Variants in RORA observed in about 807,000 individuals in gnomAD.
RORA encodes nuclear receptor ROR-alpha.
RORA carries 7 observed loss-of-function variants against 69.5 expected under a neutral mutation model. That is an observed-to-expected ratio of 0.10 (90% confidence interval 0.06 to 0.19). The LOEUF is 0.19. Ranked by LOEUF, RORA falls within the 10% of genes least tolerant of loss-of-function variation. RORA has a pLI of 1.00. For missense variants in RORA, 457 were observed against 663.0 expected (o/e 0.69, Z 3.41); for synonymous variants, 261 against 240.8 (o/e 1.08, Z -0.78).
At chr15:60,613,696 C>CTGTGTGTG (rs66616801) in intron 2 of RORA, among the ~76,000 whole-genome samples, 160 of 125,360 alleles carry the variant, frequency 1.3e-3, no homozygotes, top group South Asian at 4.3e-3. Context: ...AATTTGATAT[C>CTGTGTGTG]TGTGTGTGTG....
chr15:60,549,726 A>G (rs1033485783), intron 2 of RORA, among the ~76,000 whole-genome samples: 1 of 152,164 alleles, frequency 6.6e-6, no homozygotes, highest in Non-Finnish European at 1.5e-5. Flanking sequence ...AATTCAAACT[A>G]TAACGTCACT....
intron 1 of RORA, among the ~76,000 whole-genome samples, chr15:60,971,382 C>A (rs570837194): frequency 3.3e-4 from 50 of 152,278 alleles, no homozygotes; most frequent in African/African-American, 1.2e-3. Context: ...CATGGCCTAG[C>A]ACAAAGCAGG....
At chr15:60,726,249 A>G (rs1221269776) in intron 1 of RORA, among the ~76,000 whole-genome samples, 2 of 152,104 alleles carry the variant, frequency 1.3e-5, no homozygotes, top group Non-Finnish European at 2.9e-5. Context: ...TCCCCCTTTA[A>G]GCTCAGAATG....
chr15:61,119,598 C>T (rs78706566), intron 1 of RORA, among the ~76,000 whole-genome samples: 10,654 of 151,984 alleles, frequency 0.07, 649 homozygotes, highest in East Asian at 0.25. Context: ...CCACCATAAC[C>T]GGTCATCGGG....
chr15:60,585,561 T>C (rs1366436880), intron 2 of RORA, among the ~76,000 whole-genome samples: 2 of 152,192 alleles, frequency 1.3e-5, no homozygotes, highest in Non-Finnish European at 2.9e-5. Context: ...GGGGAAACGC[T>C]GAATTTAGCT....
At chr15:60,882,509 G>A (rs74600463) in intron 1 of RORA, among the ~76,000 whole-genome samples, 1,786 of 152,238 alleles carry the variant, frequency 0.012, 22 homozygotes, top group Non-Finnish European at 0.019. Flanking sequence ...GGGATGACAG[G>A]ATTTGCCTAG....
chr15:60,859,651 C>CTT (rs1208480913), intron 1 of RORA, among the ~76,000 whole-genome samples: 3,150 of 96,310 alleles, frequency 0.033, 133 homozygotes, highest in Middle Eastern at 0.039. Flanking sequence ...TTCTTTCTTT[C>CTT]TTTCTTTTTT....
intron 1 of RORA, among the ~76,000 whole-genome samples, chr15:61,031,481 T>C (rs1896165518): frequency 6.6e-6 from 1 of 152,204 alleles, no homozygotes; most frequent in Admixed American, 6.5e-5. Flanking sequence ...ACTAACTTCC[T>C]GGGATATTGT....
intron 2 of RORA, among the ~76,000 whole-genome samples, chr15:60,597,556 ATATATATATATATATATAC>A (rs1596035858): frequency 9.9e-4 from 22 of 22,220 alleles, no homozygotes; most frequent in South Asian, 1.4e-3. Flanking sequence ...CACAACATAT[ATATATATATATATATATAC>A]ACATATATAT....
rs139221513 is a variant in RORA at position 61,034,414 on chromosome 15, C to T, written c.166+194639G>A. ...GCTATTCCTGGATCTTAGTTGAAAGCTGTTGCCTTTCTAATTGTTTAACTG... is the reference window on the plus strand; with the variant it reads ...GCTATTCCTGGATCTTAGTTGAAAGTTGTTGCCTTTCTAATTGTTTAACTG... On this transcript the variant is annotated intron_variant, in intron 1 of 10. Transcript: ENST00000335670. Among the ~76,000 whole-genome samples, 566 of 152,250 alleles carry T rather than the reference C, an allele frequency of 3.7e-3. 5 individuals carry two copies. The highest frequency in any genetic ancestry group is 0.013 in the African/African-American group (531 of 41,566).
At chr15:60,858,104 C>A (rs2073399591) in intron 1 of RORA, among the ~76,000 whole-genome samples, 1 of 152,338 alleles carries the variant, frequency 6.6e-6, no homozygotes, top group Admixed American at 6.5e-5. Context: ...AAGGTTATTG[C>A]AGGGCCTGTT....
At chr15:60,771,636 C>T (rs962932880) in intron 1 of RORA, among the ~76,000 whole-genome samples, 5 of 152,230 alleles carry the variant, frequency 3.3e-5, no homozygotes, top group Non-Finnish European at 7.3e-5. Flanking sequence ...AAGGCTCAAC[C>T]TGTTCTCCAG....
intron 1 of RORA, among the ~76,000 whole-genome samples, chr15:60,912,090 AT>A (rs1891740945): frequency 1.3e-5 from 2 of 152,080 alleles, no homozygotes; most frequent in Admixed American, 6.6e-5. Context: ...TTTGTCCAAT[AT>A]TTTGCTTAAG....
At chr15:60,681,349 A>T (rs952198037) in intron 1 of RORA, among the ~76,000 whole-genome samples, 4 of 152,218 alleles carry the variant, frequency 2.6e-5, no homozygotes, top group African/African-American at 9.6e-5. Context: ...TACTCAAAAA[A>T]GTTTTACTCC....
At chr15:60,620,475 T>A (rs1288948645) in intron 2 of RORA, among the ~76,000 whole-genome samples, 3 of 152,176 alleles carry the variant, frequency 2.0e-5, no homozygotes, top group Admixed American at 6.6e-5. Flanking sequence ...TACGTATTTT[T>A]AAATGAAAAT....
At chr15:61,191,081 T>C (rs1289978382) in intron 1 of RORA, among the ~76,000 whole-genome samples, 1 of 152,096 alleles carries the variant, frequency 6.6e-6, no homozygotes, top group East Asian at 1.9e-4. Flanking sequence ...AGCAGCATTA[T>C]ATAGTGGAAA....
intron 2 of RORA, among the ~76,000 whole-genome samples, chr15:60,676,181 A>T (rs1162010921): frequency 6.6e-6 from 1 of 152,200 alleles, no homozygotes; most frequent in Non-Finnish European, 1.5e-5. Flanking sequence ...GCTAAAGAAG[A>T]AGTAATTTGG....
intron 1 of RORA, among the ~76,000 whole-genome samples, chr15:61,111,197 A>T (rs776522873): frequency 6.6e-6 from 1 of 152,208 alleles, no homozygotes; most frequent in Non-Finnish European, 1.5e-5. Flanking sequence ...GCAGTATGTG[A>T]TTTCCAGAGA....
chr15:60,970,927 A>G (rs1893694801), intron 1 of RORA, among the ~76,000 whole-genome samples: 1 of 152,222 alleles, frequency 6.6e-6, no homozygotes, highest in Non-Finnish European at 1.5e-5. Flanking sequence ...GAGAGACAGA[A>G]ACATTCCTGA....
Sources: allele counts gnomAD v4.1 joint callset (sites outside exome capture counted in the v4.1 genomes callset), GRCh38; gene constraint gnomAD v4.1.1; transcripts MANE v1.5; gene names NCBI Gene and HGNC (gene_info 2026-07-23, HGNC 2026-07-21).